The following YIF1A variants were observed in gnomAD, a reference collection of about 807,000 sequenced individuals.
YIF1A encodes protein YIF1A.
In YIF1A, 28 loss-of-function variants were observed where a neutral mutation model predicts 32.6. The ratio of observed to expected loss-of-function variants is 0.86; its 90% confidence interval spans 0.64 to 1.18. The LOEUF (loss-of-function observed/expected upper bound fraction) is 1.18. Ranked by LOEUF, YIF1A falls within the 50% of genes most tolerant of loss-of-function variation. The pLI is 0.00. For synonymous variants in YIF1A, 175 were observed against 162.2 expected, an observed-to-expected ratio of 1.08 and a Z score of -0.60; for missense variants, 373 against 390.8, an observed-to-expected ratio of 0.95 and a Z score of 0.38.
At chr11:66,285,240 C>T in intron 6 of YIF1A, 141 bp downstream of exon 6, 2 of 1,301,248 alleles carry the variant, frequency 1.5e-6, no homozygotes, top group Non-Finnish European at 1.1e-6. Context: ...CCTCAGGAGA[C>T]TGCTGGAGAC....
intron 4 of YIF1A, chr11:66,287,352 C>T (rs510398): frequency 0.99 from 534,981 of 537,754 alleles, 266,160 homozygotes; most frequent in East Asian, 1. Flanking sequence ...GGGAGGGATA[C>T]AGTCCAAATC....
chr11:66,284,615 A>C lies in YIF1A; in HGVS notation c.*22T>G, dbSNP rs758221819. ...CAAATCTTCAATGAATGAAAAACTC[A>C]GTGCCATCTGGGGCCAGGGGGTCAC... On this transcript the variant is annotated 3_prime_UTR_variant, in exon 8 of 8. Transcript: ENST00000376901. 3 of 1,610,672 alleles carry C rather than the reference A, an allele frequency of 1.9e-6. No individual in the cohort carries two copies. The East Asian group carries it at 6.7e-5, about 36-fold the overall frequency.
chr11:66,288,291 G>T lies in YIF1A; in HGVS notation c.33C>A (p.Gly11=). MAYHSGYGAH[G]SKHRARAAPD... ...GGGCTGCCCGGGCCCTGTGCTTGGA[G>T]CCTGTGGGTTTGGAGGTATCAGAGT... Residue 11 remains glycine, a splice_region_variant and synonymous_variant, in exon 2 of 8, where the codon GGC becomes GGA. Transcript: ENST00000376901. The T allele has an allele frequency of 6.2e-7, 1 of 1,614,022 alleles. No individual in the cohort carries two copies. The highest frequency in any genetic ancestry group is 8.5e-7 in the Non-Finnish European group (1 of 1,180,034).
Position 66,287,631 on chromosome 11 carries a change from G to GC in YIF1A, c.393dup (p.Gln132AlafsTer7), listed in dbSNP as rs768554340. 6.5e-7 allele frequency: 1 copy of GC among 1,548,336 alleles called. No homozygotes were observed. The highest frequency in any genetic ancestry group is 8.8e-7 in the Non-Finnish European group (1 of 1,140,176). On this transcript the variant is annotated frameshift_variant, in exon 4 of 8. Transcript: ENST00000376901. LOFTEE classifies it high-confidence loss of function. ...TAGAGGTCAGGGGCGTTGAGGTCTT[G>GC]CCGGGGGGGCAGAGGAGCATCACGA...
At chr11:66,288,395 A>G in intron 1 of YIF1A, 103 bp from the exon 2 acceptor site, 1 of 1,407,008 alleles carries the variant, frequency 7.1e-7, no homozygotes. Flanking sequence ...TCCTGGAGGC[A>G]CCGATCAGTG....
rs1479486529 is a variant in YIF1A at position 66,289,020 on chromosome 11, C to T, written c.-35G>A. The stretch of plus-strand genomic sequence containing the variant: ...GCTCGCTGTCCCCGAGGGCCCGCTG[C>T]GCCGCCTCGTGGGTACGAATACTAA... On this transcript the variant is annotated 5_prime_UTR_variant, in exon 1 of 8. Coordinates refer to ENST00000376901, the MANE Select transcript of YIF1A (RefSeq NM_020470.3). 1.3e-6 allele frequency: 2 copies of T among 1,571,646 alleles called. No homozygotes were observed. Among genetic ancestry groups the T allele is most frequent in the Non-Finnish European group, 8.6e-7 (1 of 1,167,318 alleles).
In YIF1A at chr11:66,284,950, G is replaced by A. The variant is rs1857329945; in HGVS notation, c.658C>T (p.Leu220Phe). 1 of 1,613,296 alleles carries A rather than the reference G, an allele frequency of 6.2e-7. No individual in the cohort carries two copies. Among genetic ancestry groups the A allele is most frequent in the Non-Finnish European group, 8.5e-7 (1 of 1,179,974 alleles). The change falls in exon 7 of 8, where the codon CTC (leucine) becomes TTC (phenylalanine). Residue 220 changes from leucine (L) to phenylalanine (F), a missense_variant. Leu to Phe is a conservative substitution (Grantham distance 22, BLOSUM62 0). Transcript: ENST00000376901. The stretch of plus-strand genomic sequence containing the variant: ...TCGCTGCCGAACAGCAGCCCCGTGA[G>A]CACACTGAGGATCATTCTGGGGGTG... ...YKYVGMILSV[L>F]TGLLFGSDGY...
At chr11:66,286,009 C>G (rs1857351943) in intron 4 of YIF1A, among the ~76,000 whole-genome samples, 1 of 152,252 alleles carries the variant, frequency 6.6e-6, no homozygotes. Flanking sequence ...TGCTGGGAAG[C>G]TCATCAGTGT....
chr11:66,287,809 C>T lies in YIF1A; in HGVS notation c.348+3G>A. On this transcript the variant is annotated splice_donor_region_variant and intron_variant, in intron 3 of 7. Coordinates refer to ENST00000376901, the MANE Select transcript of YIF1A (RefSeq NM_020470.3). ...CCACCAGCTCCCTTGGTAGGAAGCT[C>T]ACCTGGTGTGTGTAGGGGAAGACCA... is the stretch of plus-strand genomic sequence containing the variant. The T allele has an allele frequency of 6.2e-7, 1 of 1,613,982 alleles. No individual in the cohort carries two copies. The highest frequency in any genetic ancestry group is 8.5e-7 in the Non-Finnish European group (1 of 1,179,936).
In YIF1A at chr11:66,285,891, G is replaced by T. The variant is rs1857349604; in HGVS notation, c.428-133C>A. Reference sequence around the variant, plus strand: ...CAGCATGGCCTGACCTCCACATTCTGCTTCCAAATGCCCTGCCTGGAATGC... The same window carrying T: ...CAGCATGGCCTGACCTCCACATTCTTCTTCCAAATGCCCTGCCTGGAATGC... On this transcript the variant is annotated intron_variant, in intron 4 of 7. Transcript: ENST00000376901. 4.0e-5 allele frequency: 39 copies of T among 978,120 alleles called. No homozygotes were observed. In the South Asian group the frequency reaches 6.1e-4, roughly 15 times the overall value. 60.6% of individuals were successfully genotyped at this position (978,120 alleles called of 1,614,324 possible).
Position 66,287,683 on chromosome 11 carries a change from G to A in YIF1A, c.349-7C>T. 6.2e-7 allele frequency: 1 copy of A among 1,611,948 alleles called. No homozygotes were observed. Among genetic ancestry groups the A allele is most frequent in the Non-Finnish European group, 8.5e-7 (1 of 1,178,876 alleles). ...TGTACTGCACTTCCCAGTTCTGGCA[G>A]TGGCAGTGGCAGCAGCGGCCACATC... On this transcript the variant is annotated splice_polypyrimidine_tract_variant and splice_region_variant and intron_variant, in intron 3 of 7. Transcript: ENST00000376901.
chr11:66,288,554 C>G (rs1857400333), intron 1 of YIF1A, among the ~76,000 whole-genome samples: 1 of 152,356 alleles, frequency 6.6e-6, no homozygotes, highest in East Asian at 1.9e-4. Context: ...CTGAAGGCCT[C>G]TCACTGGAAG....
intron 6 of YIF1A, 26 bp from the exon 7 acceptor site, chr11:66,284,992 G>C (rs1441091888): frequency 6.2e-7 from 1 of 1,611,680 alleles, no homozygotes; most frequent in Non-Finnish European, 8.5e-7. Flanking sequence ...GGAAAGGGTT[G>C]GTGACCCCCA....
In YIF1A at chr11:66,287,593, C is replaced by T; in HGVS notation, c.427+5G>A. 2.5e-6 allele frequency: 4 copies of T among 1,610,384 alleles called. No homozygotes were observed. The highest frequency in any genetic ancestry group is 8.5e-7 in the Non-Finnish European group (1 of 1,178,140). ...CACGTTCCCCAGCCCAGGTTGGAGA[C>T]TCACTGGGGATATAGAGGTCAGGGG... is the stretch of plus-strand genomic sequence containing the variant. On this transcript the variant is annotated splice_donor_5th_base_variant and intron_variant, in intron 4 of 7. Coordinates refer to ENST00000376901, the MANE Select transcript of YIF1A (RefSeq NM_020470.3).
intron 4 of YIF1A, chr11:66,287,356 C>T (rs922628127): frequency 1.4e-5 from 8 of 552,636 alleles, no homozygotes; most frequent in Non-Finnish European, 2.6e-5. Flanking sequence ...GGGATACAGT[C>T]CAAATCAAGA....
Position 66,287,833 on chromosome 11 carries a change from C to A in YIF1A, c.327G>T (p.Leu109=), listed in dbSNP as rs148750279. 1.9e-5 allele frequency: 31 copies of A among 1,614,008 alleles called. No individual in the cohort carries two copies. The African/African-American group carries it at 3.7e-4, about 19-fold the overall frequency. The change falls in exon 3 of 8, where the codon CTG becomes CTT. Residue 109 remains leucine, a synonymous_variant. Transcript: ENST00000376901. ...TAYVAKKLGL[L]VFPYTHQNWE... The stretch of plus-strand genomic sequence containing the variant: ...TCACCTGGTGTGTGTAGGGGAAGAC[C>A]AGCAGCCCTAGCTTCTTGGCCACGT...
rs778940375 is a variant in YIF1A at position 66,287,921 on chromosome 11, G to A, written c.244-5C>T. On this transcript the variant is annotated splice_polypyrimidine_tract_variant and splice_region_variant and intron_variant, in intron 2 of 7. Coordinates refer to ENST00000376901, the MANE Select transcript of YIF1A (RefSeq NM_020470.3). ...CACAGACACAAAACGGTGCAGCTGG[G>A]AGGGGAGAGAGGAAGCTGTGGGCAA... is the stretch of plus-strand genomic sequence containing the variant. The A allele has an allele frequency of 7.4e-6, 12 of 1,612,530 alleles. No individual in the cohort carries two copies. Among genetic ancestry groups the A allele is most frequent in the Non-Finnish European group, 1.0e-5 (12 of 1,179,890 alleles).
chr11:66,287,564 C>T (rs1360933741), intron 4 of YIF1A, 34 bp downstream of exon 4: 2 of 1,592,126 alleles, frequency 1.3e-6, no homozygotes, highest in Non-Finnish European at 1.7e-6. Context: ...CGACCCCACC[C>T]CACCACGTTC....
At chr11:66,286,417 G>C (rs1378761171) in intron 4 of YIF1A, among the ~76,000 whole-genome samples, 1 of 152,226 alleles carries the variant, frequency 6.6e-6, no homozygotes, top group Non-Finnish European at 1.5e-5. Flanking sequence ...AGGAGTTCAA[G>C]ACCAGCCTGG....
Sources: gnomAD v4.1 joint callset for allele counts (sites outside exome capture counted in the v4.1 genomes callset) on GRCh38, gnomAD v4.1.1 for gene constraint, MANE v1.5 for transcripts, NCBI Gene and HGNC (gene_info 2026-07-23, HGNC 2026-07-21) for gene names.